EHD1: variants seen among roughly 807,000 people sequenced by gnomAD.
The protein encoded by EHD1 is EH domain containing 1, also known as EH domain-containing protein 1.
EHD1 carries 19 observed loss-of-function variants against 39.0 expected under a neutral mutation model. The observed-to-expected ratio is 0.49, with a 90% CI of 0.34 to 0.72. The LOEUF (loss-of-function observed/expected upper bound fraction) is 0.72. Among genes scored for constraint, EHD1 ranks in the 30% least tolerant of loss-of-function variants. The pLI is 0.01. For missense variants in EHD1, 542 were observed against 751.5 expected (o/e 0.72, Z 3.26); for synonymous variants, 323 against 331.2 (o/e 0.98, Z 0.27).
chr11:64,859,445 G>A (rs1007573942), intron 3 of EHD1, among the ~76,000 whole-genome samples: 4 of 152,136 alleles, frequency 2.6e-5, no homozygotes, highest in Non-Finnish European at 5.9e-5. Context: ...ATTTGAACCT[G>A]GGAGGTGGAG....
At position 64,854,780 on chromosome 11, in the gene EHD1, C is replaced by T; in HGVS notation, c.1158G>A (p.Leu386=). 1.2e-6 allele frequency: 2 copies of T among 1,606,776 alleles called. No homozygotes were observed. The highest frequency in any genetic ancestry group is 1.7e-5 in the Admixed American group (1 of 60,018). ...CCATCAGCCGCGCGATGTCGTTGGC[C>T]AGCATGTCATCCACCGTGTCCAGCA... ...PKLLDTVDDM[L]ANDIARLMVM... Residue 386 remains leucine (L), a synonymous_variant, in exon 5 of 5, where the codon CTG becomes CTA. Coordinates refer to ENST00000320631, the MANE Select transcript of EHD1 (RefSeq NM_006795.4).
chr11:64,872,386 GGGAGGA>G (rs1474848695), intron 2 of EHD1, among the ~76,000 whole-genome samples: 2 of 152,258 alleles, frequency 1.3e-5, no homozygotes, highest in East Asian at 3.9e-4. Flanking sequence ...GCTTGAACCA[GGGAGGA>G]GGAGGTTGTA....
Position 64,853,555 on chromosome 11 carries a change from A to T in EHD1, c.*778T>A, listed in dbSNP as rs1943606849. On this transcript the variant is annotated 3_prime_UTR_variant, in exon 5 of 5. Coordinates refer to ENST00000320631, the MANE Select transcript of EHD1 (RefSeq NM_006795.4). ...CTTGGCTGGAGGGTGGGAAGGGGAG[A>T]CAAAAATCACAGCTTTTGAACAGTG... 1 of 152,662 alleles carries T rather than the reference A, an allele frequency of 6.6e-6. No individual in the cohort carries two copies. Among genetic ancestry groups the T allele is most frequent in the Non-Finnish European group, 1.5e-5 (1 of 68,094 alleles). 9.5% of individuals were successfully genotyped at this position (152,662 alleles called of 1,614,324 possible). A position where few individuals can be genotyped will look rare whatever the true frequency, so the allele number is the denominator to read the frequency against.
At position 64,854,868 on chromosome 11, in the gene EHD1, G is replaced by A. The variant is rs1285606933; in HGVS notation, c.1081-11C>T. The A allele has an allele frequency of 1.3e-6, 2 of 1,595,250 alleles. No homozygotes were observed. Among genetic ancestry groups the A allele is most frequent in the Admixed American group, 1.7e-5 (1 of 59,958 alleles). ...GGTCTGCAGGAGTTCCTGTGGGCGG[G>A]GGAGGAAGGACAAGGGCTGGGAAGG... On this transcript the variant is annotated splice_polypyrimidine_tract_variant and intron_variant, in intron 4 of 4. Transcript: ENST00000320631.
Position 64,878,241 on chromosome 11 carries a change from AT to A in EHD1, c.223del (p.Ile75SerfsTer4). ...GQYSTGKTTF[I>X]RHLIEQDFPG... ...GAAGTCCTGCTCGATCAGGTGTCGG[AT>A]GAAGGTGGTCTTGCCCGTGCTGTAC... On this transcript the variant is annotated frameshift_variant, in exon 1 of 5. Transcript: ENST00000320631. LOFTEE classifies it high-confidence loss of function. 1 of 1,613,872 alleles carries A rather than the reference AT, an allele frequency of 6.2e-7. No individual in the cohort carries two copies. The highest frequency in any genetic ancestry group is 1.7e-5 in the Admixed American group (1 of 60,022).
rs541253559 is a variant in EHD1 at position 64,854,318 on chromosome 11, C to T, written c.*15G>A. On this transcript the variant is annotated 3_prime_UTR_variant, in exon 5 of 5. Coordinates refer to ENST00000320631, the MANE Select transcript of EHD1 (RefSeq NM_006795.4). Reference sequence around the variant, plus strand: ...CGGCCGGGCGTGCAAATGGCAGGTGCGGGGCCGGGCGCCATCACTCATGTC... The same window carrying T: ...CGGCCGGGCGTGCAAATGGCAGGTGTGGGGCCGGGCGCCATCACTCATGTC... 37 of 1,587,516 alleles carry T rather than the reference C, an allele frequency of 2.3e-5. No homozygotes were observed. The East Asian group carries it at 2.9e-4, about 13-fold the overall frequency.
intron 4 of EHD1, 173 bp downstream of exon 4, chr11:64,855,149 T>G: frequency 9.1e-7 from 1 of 1,100,684 alleles, no homozygotes. Context: ...CCCTCTGCAG[T>G]GTCACCGCCT....
intron 3 of EHD1, among the ~76,000 whole-genome samples, chr11:64,857,405 C>CA (rs1483134702): frequency 1.3e-5 from 2 of 152,148 alleles, no homozygotes; most frequent in African/African-American, 4.8e-5. Context: ...GCCTAGGTAA[C>CA]AGAGTGAAAC....
At chr11:64,859,006 G>C (rs1306177552) in intron 3 of EHD1, among the ~76,000 whole-genome samples, 1 of 152,332 alleles carries the variant, frequency 6.6e-6, no homozygotes, top group East Asian at 1.9e-4. Flanking sequence ...GCTGCTTCCT[G>C]TCACAGCTTA....
At chr11:64,872,226 C>T (rs1943837650) in intron 2 of EHD1, among the ~76,000 whole-genome samples, 2 of 152,136 alleles carry the variant, frequency 1.3e-5, no homozygotes, top group Admixed American at 1.3e-4. Context: ...TTTGAGAGGC[C>T]GAAGCGGGCA....
intron 4 of EHD1, chr11:64,855,106 T>TC: frequency 3.4e-6 from 3 of 884,212 alleles, no homozygotes; most frequent in Non-Finnish European, 5.0e-6. Flanking sequence ...GGCCCTGCCC[T>TC]CCCCCCACCA....
intron 2 of EHD1, among the ~76,000 whole-genome samples, chr11:64,861,121 G>A (rs1288509313): frequency 2.6e-5 from 4 of 152,022 alleles, no homozygotes; most frequent in South Asian, 2.1e-4. Context: ...AGGAGGCAGA[G>A]GTTGCAGTGA....
intron 3 of EHD1, 133 bp downstream of exon 3, chr11:64,859,791 A>T (rs1943692598): frequency 1.6e-6 from 2 of 1,284,208 alleles, no homozygotes. Flanking sequence ...CTATAGAGGG[A>T]AACAGCGCAG....
At chr11:64,858,016 C>T (rs765530724) in intron 3 of EHD1, among the ~76,000 whole-genome samples, 8 of 143,282 alleles carry the variant, frequency 5.6e-5, no homozygotes, top group East Asian at 2.0e-4. Context: ...ATAGGAGCTA[C>T]GGCAAGGGCC....
chr11:64,861,894 CT>C (rs879490966), intron 2 of EHD1, among the ~76,000 whole-genome samples: 3 of 152,218 alleles, frequency 2.0e-5, no homozygotes, highest in Admixed American at 6.5e-5. Context: ...GCTCCATATT[CT>C]TTTTAAAAAA....
At chr11:64,857,900 G>A (rs1194398008) in intron 3 of EHD1, among the ~76,000 whole-genome samples, 4 of 152,296 alleles carry the variant, frequency 2.6e-5, no homozygotes, top group African/African-American at 9.6e-5. Context: ...CATGAGGTGG[G>A]GGCAAGCACC....
intron 2 of EHD1, among the ~76,000 whole-genome samples, chr11:64,867,438 G>A (rs1018979528): frequency 6.6e-6 from 1 of 151,382 alleles, no homozygotes. Flanking sequence ...AAAAAAAAAG[G>A]CTAAGCGCGG....
intron 1 of EHD1, 118 bp downstream of exon 1, chr11:64,877,943 G>T (rs536081872): frequency 1.8e-5 from 19 of 1,083,896 alleles, no homozygotes; most frequent in Non-Finnish European, 2.1e-5. Flanking sequence ...GTCACTGAGG[G>T]TCTCACTGGG....
intron 2 of EHD1, among the ~76,000 whole-genome samples, chr11:64,865,324 C>T (rs1295255596): frequency 6.6e-6 from 1 of 152,256 alleles, no homozygotes; most frequent in Non-Finnish European, 1.5e-5. Flanking sequence ...CCAAAGGCTA[C>T]ACTGCACAGC....
Sources: allele counts gnomAD v4.1 joint callset (sites outside exome capture counted in the v4.1 genomes callset), GRCh38; gene constraint gnomAD v4.1.1; transcripts MANE v1.5; gene names NCBI Gene and HGNC (gene_info 2026-07-23, HGNC 2026-07-21).